The following LHFPL2 variants were observed in gnomAD, a reference collection of about 807,000 sequenced individuals.
LHFPL2 encodes LHFPL tetraspan subfamily member 2, also known as LHFPL tetraspan subfamily member 2 protein.
A neutral mutation model predicts 17.5 loss-of-function variants in LHFPL2; 7 were observed. The observed-to-expected ratio is 0.40, with a 90% CI of 0.23 to 0.75. The LOEUF is 0.75. LHFPL2 is among the 30% of genes least tolerant of loss of function. The probability of loss-of-function intolerance (pLI) is 0.37; values close to 1 mark genes in which losing one functional copy is unlikely to be tolerated. For missense variants in LHFPL2, 241 were observed against 294.8 expected (o/e 0.82, Z 1.34); for synonymous variants, 134 against 116.2 (o/e 1.15, Z -0.99).
chr5:78,577,142 C>T (rs1757153381), intron 2 of LHFPL2, among the ~76,000 whole-genome samples: 1 of 152,206 alleles, frequency 6.6e-6, no homozygotes, highest in East Asian at 1.9e-4. Flanking sequence ...CAATATCATA[C>T]AGTGCAAATG....
intron 2 of LHFPL2, among the ~76,000 whole-genome samples, chr5:78,574,278 C>A (rs1446593890): frequency 1.3e-5 from 2 of 152,214 alleles, no homozygotes; most frequent in Non-Finnish European, 2.9e-5. Flanking sequence ...CCTCTGTACA[C>A]CAGGCCCAGC....
chr5:78,613,272 G>A (rs1744478570), intron 2 of LHFPL2, among the ~76,000 whole-genome samples: 1 of 152,108 alleles, frequency 6.6e-6, no homozygotes, highest in Admixed American at 6.6e-5. Flanking sequence ...TGGCAAACTT[G>A]GAACATGCAC....
At chr5:78,615,318 C>T (rs575312224) in intron 2 of LHFPL2, among the ~76,000 whole-genome samples, 1 of 152,062 alleles carries the variant, frequency 6.6e-6, no homozygotes, top group Non-Finnish European at 1.5e-5. Flanking sequence ...GCAAGAAATA[C>T]CTGTTTATCA....
At chr5:78,555,925 C>G (rs1192995211) in intron 3 of LHFPL2, among the ~76,000 whole-genome samples, 1 of 152,166 alleles carries the variant, frequency 6.6e-6, no homozygotes, top group African/African-American at 2.4e-5. Flanking sequence ...GGTCCATGAG[C>G]CAACATGTTC....
intron 3 of LHFPL2, among the ~76,000 whole-genome samples, chr5:78,512,624 G>C (rs1159477023): frequency 6.6e-6 from 1 of 151,906 alleles, no homozygotes; most frequent in African/African-American, 2.4e-5. Flanking sequence ...TACCCATCAG[G>C]CTCACAAATA....
chr5:78,629,946 G>A (rs1296474047), intron 2 of LHFPL2, among the ~76,000 whole-genome samples: 2 of 152,180 alleles, frequency 1.3e-5, no homozygotes, highest in Non-Finnish European at 2.9e-5. Flanking sequence ...GAATGAAAAC[G>A]CAGTACCTTA....
intron 2 of LHFPL2, among the ~76,000 whole-genome samples, chr5:78,589,861 G>A (rs1438270959): frequency 6.6e-6 from 1 of 152,144 alleles, no homozygotes; most frequent in Non-Finnish European, 1.5e-5. Context: ...CATGAATGGT[G>A]GCCATCCAGA....
At chr5:78,603,454 T>G (rs760026281) in intron 2 of LHFPL2, among the ~76,000 whole-genome samples, 1 of 152,234 alleles carries the variant, frequency 6.6e-6, no homozygotes, top group Non-Finnish European at 1.5e-5. Context: ...CAGAGGGCTC[T>G]TGAAACAAAT....
chr5:78,529,163 G>A (rs1755706527), intron 3 of LHFPL2, among the ~76,000 whole-genome samples: 1 of 152,102 alleles, frequency 6.6e-6, no homozygotes, highest in Non-Finnish European at 1.5e-5. Context: ...GCATGCGCCT[G>A]TAGTCCCAGC....
At chr5:78,581,024 G>C (rs1433568431) in intron 2 of LHFPL2, among the ~76,000 whole-genome samples, 3 of 152,120 alleles carry the variant, frequency 2.0e-5, no homozygotes, top group South Asian at 2.1e-4. Flanking sequence ...TTATTTCCTT[G>C]AGCAGTGGTT....
rs1040494346 is a variant in LHFPL2 at position 78,610,299 on chromosome 5, T to C, written c.-245+21965A>G. On this transcript the variant is annotated intron_variant, in intron 2 of 4. Transcript: ENST00000380345. ...CTGGACCTTCTGCATTCAGCACATG[T>C]TCCTGTCTGAGAAGGAAAGGGCTAC... Among the ~76,000 whole-genome samples, 5 of 152,314 alleles carry C rather than the reference T, an allele frequency of 3.3e-5. No homozygotes were observed. In the East Asian group the frequency reaches 7.7e-4, roughly 23 times the overall value.
At chr5:78,613,112 A>G (rs1276045773) in intron 2 of LHFPL2, among the ~76,000 whole-genome samples, 3 of 152,214 alleles carry the variant, frequency 2.0e-5, no homozygotes, top group Non-Finnish European at 4.4e-5. Flanking sequence ...GGCAGGGGCA[A>G]GGCCAAGGAA....
At chr5:78,544,454 A>G (rs1345616177) in intron 3 of LHFPL2, among the ~76,000 whole-genome samples, 2 of 151,380 alleles carry the variant, frequency 1.3e-5, no homozygotes, top group African/African-American at 4.9e-5. Context: ...AGTAGGGGAC[A>G]GGGGTAGACA....
intron 3 of LHFPL2, among the ~76,000 whole-genome samples, chr5:78,564,345 C>T (rs542460481): frequency 3.5e-4 from 53 of 152,220 alleles, no homozygotes; most frequent in African/African-American, 1.3e-3. Flanking sequence ...TCATAAATCA[C>T]CTATTAGTCA....
At chr5:78,519,741 T>C (rs1755393669) in intron 3 of LHFPL2, among the ~76,000 whole-genome samples, 1 of 152,236 alleles carries the variant, frequency 6.6e-6, no homozygotes. Context: ...ACTATGCCCC[T>C]GCAACAGGAT....
chr5:78,610,620 C>T (rs1198867528), intron 2 of LHFPL2, among the ~76,000 whole-genome samples: 3 of 152,136 alleles, frequency 2.0e-5, no homozygotes, highest in South Asian at 2.1e-4. Flanking sequence ...AAAAAGCCTA[C>T]GAATCCAAAC....
intron 2 of LHFPL2, among the ~76,000 whole-genome samples, chr5:78,609,449 T>TC: frequency 1.0e-4 from 2 of 19,984 alleles, no homozygotes; most frequent in Admixed American, 1.4e-3. Context: ...AGACTCAGTC[T>TC]CAAAAAAAAA....
intron 1 of LHFPL2, among the ~76,000 whole-genome samples, chr5:78,647,391 A>C (rs112922798): frequency 0.014 from 2,143 of 152,240 alleles, 45 homozygotes; most frequent in African/African-American, 0.049. Flanking sequence ...GGCAAAAGCA[A>C]TGTGCAGGTT....
chr5:78,585,517 T>A (rs923191337), intron 2 of LHFPL2, among the ~76,000 whole-genome samples: 1 of 152,122 alleles, frequency 6.6e-6, no homozygotes, highest in African/African-American at 2.4e-5. Flanking sequence ...TGGCACTCCC[T>A]AGTGAGATGA....
Sources: allele counts gnomAD v4.1 joint callset (sites outside exome capture counted in the v4.1 genomes callset), GRCh38; gene constraint gnomAD v4.1.1; transcripts MANE v1.5; gene names NCBI Gene and HGNC (gene_info 2026-07-23, HGNC 2026-07-21).